The following CASK variants were observed in gnomAD, a reference collection of about 807,000 sequenced individuals.
The protein encoded by CASK is peripheral plasma membrane protein CASK.
A neutral mutation model predicts 82.9 loss-of-function variants in CASK; 4 were observed. The ratio of observed to expected loss-of-function variants is 0.05; its 90% CI spans 0.02 to 0.11. The LOEUF (loss-of-function observed/expected upper bound fraction) is 0.11. Among genes scored for constraint, CASK ranks in the 10% least tolerant of loss-of-function variants. The pLI is 1.00. For missense variants in CASK, 358 were observed against 720.9 expected (o/e 0.50, Z 5.76); for synonymous variants, 259 against 253.5 (o/e 1.02, Z -0.20).
At chrX:41,643,207 G>A (rs1344974841) in intron 8 of CASK, among the ~76,000 whole-genome samples, 1 of 111,825 alleles carries the variant, frequency 8.9e-6, no homozygotes, top group Non-Finnish European at 1.9e-5. Flanking sequence ...GTAGTGTGAT[G>A]CCTCCAGCTT....
At chrX:41,834,953 CT>C (rs1238545496) in intron 2 of CASK, among the ~76,000 whole-genome samples, 1 of 111,735 alleles carries the variant, frequency 8.9e-6, no homozygotes, top group Non-Finnish European at 1.9e-5. Flanking sequence ...CAAAATTCAT[CT>C]TGTACCTAGT....
chrX:41,806,113 T>C (rs1328210888), intron 2 of CASK, among the ~76,000 whole-genome samples: 1 of 111,758 alleles, frequency 8.9e-6, no homozygotes, highest in South Asian at 3.7e-4. Context: ...GTTATAATGA[T>C]AATGGTTGGA....
In CASK at chrX:41,695,310, CT is replaced by C. The variant is rs1331604938; in HGVS notation, c.430-23781del. Among the ~76,000 whole-genome samples, 443 of 87,684 alleles carry C rather than the reference CT, an allele frequency of 5.1e-3. 4 individuals are homozygous for C. The highest frequency in any genetic ancestry group is 0.015 in the Admixed American group (117 of 7,931). The allele number at this position is 87,684 out of a possible 115,157, so 76.1% of individuals were successfully genotyped here. On this transcript the variant is annotated intron_variant, in intron 5 of 26. Transcript: ENST00000378163. ...ATAAATCATTTATTATTTACACTGT[CT>C]TTTTTTTTTTTTTTTTTTTAAAGAG... is the stretch of plus-strand genomic sequence containing the variant.
chrX:41,689,725 T>A (rs1482536095), intron 5 of CASK: 1 of 112,407 alleles, frequency 8.9e-6, no homozygotes, highest in Non-Finnish European at 1.9e-5. Context: ...ATGTTTTCAA[T>A]TTTCATTTTT....
At chrX:41,727,684 T>C in intron 5 of CASK, 1 of 1,201,465 alleles carries the variant, frequency 8.3e-7, no homozygotes, top group Non-Finnish European at 1.1e-6. Context: ...AGTACTAACA[T>C]CATACTACTC....
At chrX:41,890,897 T>G in intron 1 of CASK, among the ~76,000 whole-genome samples, 1 of 108,254 alleles carries the variant, frequency 9.2e-6, no homozygotes. Context: ...AATTTCTTTT[T>G]TTTTTTTTTT....
intron 3 of CASK, among the ~76,000 whole-genome samples, chrX:41,754,384 C>T (rs504373): frequency 0.19 from 21,281 of 110,580 alleles, 1,644 homozygotes; most frequent in Middle Eastern, 0.3. Flanking sequence ...CTGGACAACA[C>T]AGTGAGACCC....
intron 12 of CASK, among the ~76,000 whole-genome samples, chrX:41,598,522 T>C (rs2065854625): frequency 9.1e-6 from 1 of 110,486 alleles, no homozygotes; most frequent in Admixed American, 9.7e-5. Flanking sequence ...CGGCTAATTT[T>C]TGTATTTTAT....
chrX:41,627,476 G>A (rs748097249), intron 9 of CASK, among the ~76,000 whole-genome samples: 2 of 111,747 alleles, frequency 1.8e-5, no homozygotes, highest in Non-Finnish European at 3.8e-5. Context: ...TGGTACAGTA[G>A]TGAAGTGTGG....
At chrX:41,616,678 G>A (rs1179222104) in intron 11 of CASK, among the ~76,000 whole-genome samples, 1 of 108,048 alleles carries the variant, frequency 9.3e-6, no homozygotes, top group Non-Finnish European at 1.9e-5. Flanking sequence ...CATGATTTCA[G>A]CTCACTGCAA....
At chrX:41,765,614 T>G (rs186149414) in intron 3 of CASK, among the ~76,000 whole-genome samples, 10 of 111,829 alleles carry the variant, frequency 8.9e-5, no homozygotes, top group African/African-American at 3.2e-4. Flanking sequence ...CATATTAAAA[T>G]TTTTTAAAAA....
At chrX:41,889,277 G>A (rs937826452) in intron 1 of CASK, among the ~76,000 whole-genome samples, 4 of 109,585 alleles carry the variant, frequency 3.7e-5, no homozygotes, top group African/African-American at 1.3e-4. Flanking sequence ...CAGTGTAAGA[G>A]TGTTCCCTTT....
chrX:41,574,033 T>C (rs1051972575), intron 15 of CASK, among the ~76,000 whole-genome samples: 19 of 111,561 alleles, frequency 1.7e-4, no homozygotes, highest in African/African-American at 6.2e-4. Flanking sequence ...GGTTTTTTTT[T>C]CCATCCAAAG....
intron 14 of CASK, 24 bp from the exon 15 acceptor site, chrX:41,578,552 T>A (rs1227478481): frequency 1.9e-6 from 2 of 1,053,831 alleles, no homozygotes; most frequent in African/African-American, 1.8e-5. Context: ...AAGAAAAAAA[T>A]TATTAATAAC....
chrX:41,797,283 C>G (rs1313782100), intron 2 of CASK, among the ~76,000 whole-genome samples: 2 of 109,779 alleles, frequency 1.8e-5, no homozygotes, highest in Non-Finnish European at 3.8e-5. Flanking sequence ...AATGTTGTTC[C>G]CTCTGTATGA....
At position 41,682,529 on chromosome X, in the gene CASK, GAAAAAAAAAAAAA is replaced by G. The variant is rs869093187; in HGVS notation, c.430-11012_430-11000del. Among the ~76,000 whole-genome samples the G allele has an allele frequency of 5.6e-4, 13 of 23,177 alleles. No homozygotes were observed. The South Asian group carries it at 0.033, about 59-fold the overall frequency. The allele number at this position is 23,177 out of a possible 115,157, so 20.1% of individuals were successfully genotyped here. ...GGGTGACAGAATGAGACTGTCTCAG[GAAAAAAAAAAAAA>G]AAAAAAAAAAAAAAATGAAGGATCT... On this transcript the variant is annotated intron_variant, in intron 5 of 26. Transcript: ENST00000378163.
chrX:41,793,166 G>A (rs1043314797), intron 2 of CASK, among the ~76,000 whole-genome samples: 4 of 111,666 alleles, frequency 3.6e-5, no homozygotes, highest in Non-Finnish European at 7.5e-5. Context: ...ACTTTAAAGT[G>A]CCCCTCTATA....
chrX:41,550,338 T>C (rs1244438333), intron 21 of CASK, among the ~76,000 whole-genome samples: 2 of 111,551 alleles, frequency 1.8e-5, no homozygotes, highest in Non-Finnish European at 1.9e-5. Context: ...GTTTCATCCA[T>C]ACTGCTGCAT....
At chrX:41,833,854 T>C (rs1486747764) in intron 2 of CASK, among the ~76,000 whole-genome samples, 1 of 111,427 alleles carries the variant, frequency 9.0e-6, no homozygotes, top group African/African-American at 3.3e-5. Context: ...GCTCAGGCGA[T>C]CCTCCCACCT....
Sources: gnomAD v4.1 joint callset for allele counts (sites outside exome capture counted in the v4.1 genomes callset) on GRCh38, gnomAD v4.1.1 for gene constraint, MANE v1.5 for transcripts, NCBI Gene and HGNC (gene_info 2026-07-23, HGNC 2026-07-21) for gene names.